Variants in SMC6 observed in about 807,000 individuals in gnomAD.
The protein encoded by SMC6 is structural maintenance of chromosomes 6, also known as structural maintenance of chromosomes protein 6.
A neutral mutation model predicts 142.2 loss-of-function variants in SMC6; 79 were observed. The observed-to-expected ratio is 0.56, with a 90% confidence interval of 0.46 to 0.67. The LOEUF (loss-of-function observed/expected upper bound fraction) is 0.67, where lower values mean the gene tolerates loss of function less well. Among genes scored for constraint, SMC6 ranks in the 30% least tolerant of loss-of-function variants. SMC6 has a pLI of 0.00. For synonymous variants in SMC6, 411 were observed against 412.4 expected, an observed-to-expected ratio of 1.00 and a Z score of 0.04; for missense variants, 1,072 against 1,284.0, an observed-to-expected ratio of 0.83 and a Z score of 2.52.
chr2:17,747,224 G>T (rs1670797106), intron 2 of SMC6, among the ~76,000 whole-genome samples: 2 of 152,174 alleles, frequency 1.3e-5, no homozygotes, highest in Admixed American at 6.5e-5. Context: ...GGAAAGTCGG[G>T]ACTTTTCCCA....
At chr2:17,708,281 C>G (rs1347056483) in intron 17 of SMC6, among the ~76,000 whole-genome samples, 2 of 151,692 alleles carry the variant, frequency 1.3e-5, no homozygotes, top group East Asian at 3.9e-4. Context: ...AGATATCAAG[C>G]AAAATATTTC....
At chr2:17,688,798 T>C (rs1309819050) in intron 23 of SMC6, among the ~76,000 whole-genome samples, 1 of 152,216 alleles carries the variant, frequency 6.6e-6, no homozygotes, top group African/African-American at 2.4e-5. Context: ...TTGGCAATAA[T>C]TGCAAAGTCC....
chr2:17,751,381 G>A (rs1442075429), intron 2 of SMC6, among the ~76,000 whole-genome samples: 1 of 151,262 alleles, frequency 6.6e-6, no homozygotes, highest in African/African-American at 2.4e-5. Flanking sequence ...TCCGGAGGCT[G>A]AGGCAGGAGA....
chr2:17,701,379 AT>A (rs1187335874), intron 20 of SMC6, among the ~76,000 whole-genome samples: 1 of 152,106 alleles, frequency 6.6e-6, no homozygotes, highest in East Asian at 1.9e-4. Context: ...ACAGTAAAAA[AT>A]GCGTTGATTT....
intron 24 of SMC6, among the ~76,000 whole-genome samples, chr2:17,683,413 A>G (rs2433295): frequency 0.51 from 77,903 of 151,976 alleles, 22,646 homozygotes; most frequent in African/African-American, 0.78. Context: ...TAAGCATAAA[A>G]GACCTATTAA....
At chr2:17,734,723 T>C (rs1309294597) in intron 5 of SMC6, among the ~76,000 whole-genome samples, 1 of 139,214 alleles carries the variant, frequency 7.2e-6, no homozygotes. Flanking sequence ...TACTGCTATA[T>C]AAATTTTCTT....
chr2:17,694,346 T>A (rs1247780577), intron 23 of SMC6, among the ~76,000 whole-genome samples: 1 of 152,154 alleles, frequency 6.6e-6, no homozygotes, highest in Non-Finnish European at 1.5e-5. Context: ...GTTCCCAACA[T>A]AAAGACATAA....
At chr2:17,734,923 G>T (rs765840054) in intron 5 of SMC6, among the ~76,000 whole-genome samples, 16 of 152,004 alleles carry the variant, frequency 1.1e-4, no homozygotes, top group Non-Finnish European at 1.8e-4. Flanking sequence ...GTAGAGACGG[G>T]GTTTCGCCAT....
At position 17,700,331 on chromosome 2, in the gene SMC6, T is replaced by C; in HGVS notation, c.2271A>G (p.Glu757=). Residue 757 remains glutamate (E), a synonymous_variant, in exon 21 of 28, where the codon GAA becomes GAG. Transcript: ENST00000448223. ...TATTTTCTTTTTGTTGCTCCATATG[T>C]TCCTCAACCATTTTCATTTTGCTTT... ...ENKSKMKMVE[E]HMEQQKENME... is the part of the protein sequence containing the mutation. The C allele has an allele frequency of 1.2e-6, 2 of 1,609,996 alleles. No homozygotes were observed. Among genetic ancestry groups the C allele is most frequent in the Non-Finnish European group, 1.7e-6 (2 of 1,178,600 alleles).
At chr2:17,683,923 C>A (rs561194394) in intron 23 of SMC6, among the ~76,000 whole-genome samples, 160 bp from the exon 24 acceptor site, 1 of 152,138 alleles carries the variant, frequency 6.6e-6, no homozygotes, top group Non-Finnish European at 1.5e-5. Context: ...AAATTACACT[C>A]CCAGAATGAA....
chr2:17,701,105 C>A (rs1052507644), intron 20 of SMC6, among the ~76,000 whole-genome samples: 2 of 150,416 alleles, frequency 1.3e-5, no homozygotes, highest in Non-Finnish European at 3.0e-5. Context: ...GGAATTAAAG[C>A]AGAAAAATAA....
intron 16 of SMC6, among the ~76,000 whole-genome samples, chr2:17,709,495 G>A (rs1204219657): frequency 6.6e-6 from 1 of 152,152 alleles, no homozygotes; most frequent in Non-Finnish European, 1.5e-5. Flanking sequence ...TGGCTGAGGA[G>A]GAAAAGATGG....
At position 17,740,713 on chromosome 2, in the gene SMC6, G is replaced by A. The variant is rs1465950161; in HGVS notation, c.238+899C>T. ...CTACTAAAAATACAAAAATTAGCCA[G>A]GCTTGAAGGCACGCTAATCCCAGTT... On this transcript the variant is annotated intron_variant, in intron 4 of 27. Transcript: ENST00000448223. 9.0e-6 allele frequency: 4 copies of A among 446,596 alleles called. No individual in the cohort carries two copies. In the East Asian group the frequency reaches 3.0e-4, roughly 33 times the overall value. 27.7% of individuals were successfully genotyped at this position (446,596 alleles called of 1,614,324 possible).
chr2:17,668,516 C>A (rs1253734431), intron 26 of SMC6, among the ~76,000 whole-genome samples: 4 of 151,740 alleles, frequency 2.6e-5, no homozygotes, highest in Non-Finnish European at 4.4e-5. Context: ...GCAACTGCAA[C>A]AGAATAAAAA....
chr2:17,711,173 T>G (rs1178760701), intron 16 of SMC6, among the ~76,000 whole-genome samples: 1 of 152,170 alleles, frequency 6.6e-6, no homozygotes, highest in Non-Finnish European at 1.5e-5. Flanking sequence ...ATGAAGCTGT[T>G]ACTACCAGTT....
intron 12 of SMC6, 66 bp from the exon 13 acceptor site, chr2:17,717,242 T>C (rs1451731650): frequency 1.2e-5 from 14 of 1,165,632 alleles, no homozygotes; most frequent in South Asian, 2.8e-5. Context: ...ACGTCCACTT[T>C]TGTCAAATCT....
intron 24 of SMC6, chr2:17,680,134 G>A (rs1017088218): frequency 2.0e-5 from 3 of 152,094 alleles, no homozygotes; most frequent in African/African-American, 4.8e-5. Context: ...TCATAAAATG[G>A]CAAAGTTCTC....
intron 1 of SMC6, among the ~76,000 whole-genome samples, 164 bp downstream of exon 1, chr2:17,753,462 G>A (rs1034473078): frequency 2.0e-5 from 3 of 151,320 alleles, no homozygotes; most frequent in African/African-American, 7.3e-5. Flanking sequence ...CCCGCCCGAG[G>A]AACGGACATC....
chr2:17,691,879 A>G (rs892138300), intron 23 of SMC6, among the ~76,000 whole-genome samples: 2 of 152,234 alleles, frequency 1.3e-5, no homozygotes, highest in African/African-American at 4.8e-5. Flanking sequence ...AGGATACAAA[A>G]TCAATATGCA....
Sources: gnomAD v4.1 joint callset for allele counts (sites outside exome capture counted in the v4.1 genomes callset) on GRCh38, gnomAD v4.1.1 for gene constraint, MANE v1.5 for transcripts, NCBI Gene and HGNC (gene_info 2026-07-23, HGNC 2026-07-21) for gene names.